DLGAP2: variants seen among roughly 807,000 people sequenced by gnomAD.
DLGAP2 encodes the protein DLG associated protein 2, also known as disks large-associated protein 2.
A neutral mutation model predicts 100.3 loss-of-function variants in DLGAP2; 26 were observed. The ratio of observed to expected loss-of-function variants is 0.26; its 90% CI spans 0.19 to 0.36. The LOEUF is 0.36. Ranked by LOEUF, DLGAP2 falls within the 10% of genes least tolerant of loss-of-function variation. The pLI, the probability that DLGAP2 is intolerant of heterozygous loss-of-function variation, is 1.00. For synonymous variants in DLGAP2, 886 were observed against 630.1 expected (o/e 1.41, Z -6.08); for missense variants, 1,858 against 1,453.2 (o/e 1.28, Z -4.53).
intron 2 of DLGAP2, among the ~76,000 whole-genome samples, chr8:1,039,817 G>A (rs78404154): frequency 4.2e-4 from 61 of 146,770 alleles, no homozygotes; most frequent in South Asian, 2.2e-3. Flanking sequence ...TGGTCGGCTC[G>A]GTGTGCATGG....
chr8:1,626,668 G>C (rs1407342519), intron 6 of DLGAP2, 72 bp from the exon 7 acceptor site: 2 of 1,537,996 alleles, frequency 1.3e-6, no homozygotes, highest in Non-Finnish European at 1.8e-6. Context: ...GTGTGGGTTG[G>C]ATGGTCATTC....
chr8:982,130 C>T (rs991909511), intron 2 of DLGAP2, among the ~76,000 whole-genome samples: 4 of 152,210 alleles, frequency 2.6e-5, no homozygotes, highest in Non-Finnish European at 5.9e-5. Context: ...GGCTCTGGTG[C>T]CTTCCAGTGG....
At chr8:1,176,068 C>G (rs191286656) in intron 2 of DLGAP2, among the ~76,000 whole-genome samples, 107 of 152,312 alleles carry the variant, frequency 7.0e-4, no homozygotes, top group Non-Finnish European at 1.4e-3. Flanking sequence ...AAAATACTAC[C>G]TGAAACTGGG....
intron 2 of DLGAP2, among the ~76,000 whole-genome samples, chr8:1,056,374 G>A (rs1802884378): frequency 6.6e-6 from 1 of 152,060 alleles, no homozygotes; most frequent in Non-Finnish European, 1.5e-5. Flanking sequence ...CCTCTGTCCT[G>A]GTTTACCTCA....
intron 3 of DLGAP2, among the ~76,000 whole-genome samples, chr8:1,331,268 A>G (rs1801152226): frequency 6.6e-6 from 1 of 152,206 alleles, no homozygotes; most frequent in African/African-American, 2.4e-5. Flanking sequence ...AAATTCCTTC[A>G]GAGGTCCTGG....
chr8:1,333,222 G>A (rs1801198194), intron 3 of DLGAP2, among the ~76,000 whole-genome samples: 1 of 152,148 alleles, frequency 6.6e-6, no homozygotes, highest in South Asian at 2.1e-4. Flanking sequence ...GGAGGAAGGA[G>A]AAACCCACTG....
chr8:1,577,772 C>T (rs1490659583), intron 6 of DLGAP2, among the ~76,000 whole-genome samples: 1 of 152,010 alleles, frequency 6.6e-6, no homozygotes, highest in Non-Finnish European at 1.5e-5. Context: ...GCAGCAACCT[C>T]GGATTCCCAC....
chr8:873,711 T>C (rs982351), intron 1 of DLGAP2, among the ~76,000 whole-genome samples: 80,720 of 151,976 alleles, frequency 0.53, 21,953 homozygotes, highest in Admixed American at 0.66. Context: ...AAGTACCTGC[T>C]TTTTTTCCAT....
chr8:1,458,023 T>A (rs1798369752), intron 3 of DLGAP2, among the ~76,000 whole-genome samples: 1 of 140,920 alleles, frequency 7.1e-6, no homozygotes, highest in South Asian at 2.2e-4. Flanking sequence ...TAATTTTTTA[T>A]ATGTGTGTAT....
At chr8:1,519,069 G>A (rs957234382) in intron 4 of DLGAP2, among the ~76,000 whole-genome samples, 3 of 152,156 alleles carry the variant, frequency 2.0e-5, no homozygotes, top group Non-Finnish European at 2.9e-5. Context: ...GGTCCCTGCC[G>A]TGAAGGAGCT....
At position 1,338,507 on chromosome 8, in the gene DLGAP2, G is replaced by C. The variant is rs186447738; in HGVS notation, c.106+79624G>C. On this transcript the variant is annotated intron_variant, in intron 3 of 14. Coordinates refer to ENST00000637795, the MANE Select transcript of DLGAP2 (RefSeq NM_001346810.2). ...AGGAAGGAAGGAGTAACTGCTGATTGATACAGAATATGTTTTGGGGTGATG... is the reference window on the plus strand; with the variant it reads ...AGGAAGGAAGGAGTAACTGCTGATTCATACAGAATATGTTTTGGGGTGATG... 2.1e-3 allele frequency among the ~76,000 whole-genome samples: 318 copies of C among 152,318 alleles called. 1 individual carries two copies. Among genetic ancestry groups the C allele is most frequent in the African/African-American group, 7.1e-3 (294 of 41,570 alleles).
chr8:892,960 C>G (rs374665891), intron 1 of DLGAP2: 12 of 151,660 alleles, frequency 7.9e-5, no homozygotes, highest in African/African-American at 2.9e-4. Context: ...CATCCTGCCT[C>G]TGGGATTGGT....
At chr8:1,555,618 C>T (rs969182118) in intron 5 of DLGAP2, among the ~76,000 whole-genome samples, 2 of 152,138 alleles carry the variant, frequency 1.3e-5, no homozygotes, top group Non-Finnish European at 2.9e-5. Context: ...CCTGTGCCTT[C>T]GAGCCTCTCA....
At chr8:1,228,182 C>A (rs1403510702) in intron 2 of DLGAP2, among the ~76,000 whole-genome samples, 1 of 94,308 alleles carries the variant, frequency 1.1e-5, no homozygotes, top group Non-Finnish European at 2.5e-5. Flanking sequence ...ACATATGTAA[C>A]AAACCTGCAC....
chr8:1,233,283 C>T (rs990269511), intron 2 of DLGAP2, among the ~76,000 whole-genome samples: 13 of 152,144 alleles, frequency 8.5e-5, no homozygotes, highest in Non-Finnish European at 1.2e-4. Context: ...GGATGCATTC[C>T]CCTACCTTTC....
chr8:1,613,856 A>T (rs909677463), intron 6 of DLGAP2, among the ~76,000 whole-genome samples: 1 of 152,208 alleles, frequency 6.6e-6, no homozygotes, highest in Non-Finnish European at 1.5e-5. Flanking sequence ...ATCATAGAGA[A>T]AGATTAGCAA....
intron 2 of DLGAP2, among the ~76,000 whole-genome samples, chr8:1,000,193 T>G (rs2129017876): frequency 6.6e-6 from 1 of 151,026 alleles, no homozygotes; most frequent in South Asian, 2.1e-4. Flanking sequence ...GAGGTGGTTT[T>G]CTTTTGCACT....
At chr8:1,137,874 T>G (rs1796450385) in intron 2 of DLGAP2, 1 of 152,250 alleles carries the variant, frequency 6.6e-6, no homozygotes, top group Non-Finnish European at 1.5e-5. Context: ...CACTGCAATC[T>G]CTGCCTCCGG....
intron 4 of DLGAP2, among the ~76,000 whole-genome samples, chr8:1,529,474 A>T (rs554212914): frequency 5.1e-4 from 78 of 152,350 alleles, no homozygotes; most frequent in African/African-American, 1.7e-3. Context: ...CTTCAGAAGC[A>T]ACAGGAGAGC....
Sources: gnomAD v4.1 joint callset for allele counts (sites outside exome capture counted in the v4.1 genomes callset) on GRCh38, gnomAD v4.1.1 for gene constraint, MANE v1.5 for transcripts, NCBI Gene and HGNC (gene_info 2026-07-23, HGNC 2026-07-21) for gene names.